LRRC7: variants seen among roughly 807,000 people sequenced by gnomAD.
LRRC7 encodes leucine-rich repeat-containing protein 7.
Under a neutral mutation model 175.7 loss-of-function variants are expected in LRRC7, and 23 were observed. That is an observed-to-expected ratio of 0.13 (90% CI 0.09 to 0.19). The LOEUF (loss-of-function observed/expected upper bound fraction) is 0.19. LRRC7 is among the 10% of genes least tolerant of loss of function. The probability of loss-of-function intolerance (pLI) is 1.00; values close to 1 mark genes in which losing one functional copy is unlikely to be tolerated. For synonymous variants in LRRC7, 685 were observed against 680.9 expected (o/e 1.01, Z -0.09); for missense variants, 1,354 against 1,904.7 (o/e 0.71, Z 5.38).
intron 2 of LRRC7, among the ~76,000 whole-genome samples, chr1:69,748,881 A>G (rs1669532949): frequency 1.3e-5 from 2 of 152,156 alleles, no homozygotes. Flanking sequence ...TTCAGATATT[A>G]TTCCAGAAAC....
chr1:69,747,613 G>T (rs1205771492), intron 2 of LRRC7, among the ~76,000 whole-genome samples: 2 of 151,986 alleles, frequency 1.3e-5, no homozygotes, highest in African/African-American at 4.8e-5. Context: ...TTCAAATCTT[G>T]TTGCCTTTCA....
intron 4 of LRRC7, among the ~76,000 whole-genome samples, chr1:69,815,074 G>A (rs1005345080): frequency 1.8e-4 from 27 of 152,224 alleles, no homozygotes; most frequent in African/African-American, 5.5e-4. Flanking sequence ...AAATTCTCTA[G>A]GAGCTTTTTG....
At chr1:69,687,737 T>C (rs12031666) in intron 2 of LRRC7, among the ~76,000 whole-genome samples, 21,736 of 152,020 alleles carry the variant, frequency 0.14, 1,704 homozygotes, top group Middle Eastern at 0.2. Flanking sequence ...TCTAACAGAA[T>C]TTCTTTAATA....
intron 2 of LRRC7, among the ~76,000 whole-genome samples, chr1:69,718,130 G>GAGAGAGAT (rs1557643261): frequency 2.2e-5 from 1 of 44,722 alleles, no homozygotes; most frequent in East Asian, 6.1e-4. Context: ...AGAAAGAAAA[G>GAGAGAGAT]AAAGAAAGAG....
chr1:70,109,787 T>C (rs1665397824), intron 26 of LRRC7, among the ~76,000 whole-genome samples: 1 of 152,226 alleles, frequency 6.6e-6, no homozygotes, highest in Non-Finnish European at 1.5e-5. Context: ...CTCTCTAACA[T>C]TTGGTAAATG....
intron 5 of LRRC7, among the ~76,000 whole-genome samples, chr1:69,827,150 C>A (rs953981640): frequency 1.3e-5 from 2 of 152,166 alleles, no homozygotes; most frequent in African/African-American, 4.8e-5. Flanking sequence ...ATTTTTTCAA[C>A]ATCTCAGTGA....
intron 1 of LRRC7, among the ~76,000 whole-genome samples, chr1:69,663,922 C>T (rs1657892746): frequency 6.6e-6 from 1 of 151,240 alleles, no homozygotes; most frequent in Admixed American, 6.6e-5. Flanking sequence ...GGGGTTTCAC[C>T]TTGTTAGCCA....
At chr1:69,949,538 T>C (rs111613312) in intron 8 of LRRC7, among the ~76,000 whole-genome samples, 17 of 151,756 alleles carry the variant, frequency 1.1e-4, no homozygotes, top group African/African-American at 4.1e-4. Flanking sequence ...GTCTGGGTGA[T>C]AGAGCAAGAC....
intron 7 of LRRC7, among the ~76,000 whole-genome samples, chr1:69,896,140 G>T (rs888522937): frequency 6.6e-6 from 1 of 151,884 alleles, no homozygotes; most frequent in South Asian, 2.1e-4. Context: ...TGGTAATAGC[G>T]TGCTTCTTTT....
intron 1 of LRRC7, among the ~76,000 whole-genome samples, chr1:69,582,006 G>T (rs1000700346): frequency 6.6e-6 from 1 of 152,078 alleles, no homozygotes; most frequent in Non-Finnish European, 1.5e-5. Flanking sequence ...GGGATTCTCT[G>T]GGCAAGGTTA....
At chr1:69,582,134 G>T (rs1300668309) in intron 1 of LRRC7, among the ~76,000 whole-genome samples, 1 of 152,134 alleles carries the variant, frequency 6.6e-6, no homozygotes, top group Non-Finnish European at 1.5e-5. Flanking sequence ...TGCCCAGAGG[G>T]TGTACAAATA....
chr1:69,843,661 A>C (rs1420304988), intron 7 of LRRC7, among the ~76,000 whole-genome samples: 1 of 152,146 alleles, frequency 6.6e-6, no homozygotes, highest in African/African-American at 2.4e-5. Flanking sequence ...GGACATGTAC[A>C]CAACATAAAT....
At chr1:69,978,290 GAGAGGAGGGGAGGGA>G (rs1653041518) in intron 8 of LRRC7, among the ~76,000 whole-genome samples, 1 of 147,342 alleles carries the variant, frequency 6.8e-6, no homozygotes, top group Admixed American at 6.8e-5. Flanking sequence ...CGTCTGCGAG[GAGAGGAGGGGAGGGA>G]AGAGGAGGGG....
At chr1:69,832,465 A>G (rs944548361) in intron 5 of LRRC7, among the ~76,000 whole-genome samples, 4 of 152,176 alleles carry the variant, frequency 2.6e-5, no homozygotes, top group African/African-American at 9.7e-5. Context: ...ACCAGTAGAA[A>G]AATAGGTAAA....
intron 2 of LRRC7, among the ~76,000 whole-genome samples, chr1:69,701,986 A>G (rs191688142): frequency 3.3e-5 from 5 of 152,356 alleles, no homozygotes; most frequent in Non-Finnish European, 7.3e-5. Context: ...TGCATTAATA[A>G]TTTTTAAATT....
intron 17 of LRRC7, among the ~76,000 whole-genome samples, chr1:70,026,054 A>G (rs1321551430): frequency 2.0e-5 from 3 of 152,154 alleles, no homozygotes; most frequent in African/African-American, 2.4e-5. Context: ...AAATATTAGT[A>G]CCATGCCAAA....
chr1:69,741,763 T>C (rs1243921426), intron 2 of LRRC7, among the ~76,000 whole-genome samples: 2 of 152,062 alleles, frequency 1.3e-5, no homozygotes, highest in Non-Finnish European at 2.9e-5. Context: ...ACTGGATTTT[T>C]TTTTGCTGTG....
intron 10 of LRRC7, among the ~76,000 whole-genome samples, 157 bp downstream of exon 10, chr1:69,986,543 ATATCT>A (rs1163329715): frequency 5.3e-5 from 8 of 152,340 alleles, no homozygotes; most frequent in Admixed American, 1.3e-4. Flanking sequence ...TATCTAACAA[ATATCT>A]TAAGTGAAAT....
intron 2 of LRRC7, among the ~76,000 whole-genome samples, chr1:69,702,855 C>A (rs1408987118): frequency 6.6e-6 from 1 of 151,950 alleles, no homozygotes; most frequent in Non-Finnish European, 1.5e-5. Context: ...TACTTAGTAG[C>A]CATAAGGACT....
Sources: gnomAD v4.1 joint callset for allele counts (sites outside exome capture counted in the v4.1 genomes callset) on GRCh38, gnomAD v4.1.1 for gene constraint, MANE v1.5 for transcripts, NCBI Gene and HGNC (gene_info 2026-07-23, HGNC 2026-07-21) for gene names.